The following SLC7A5 variants were observed in gnomAD, a reference collection of about 807,000 sequenced individuals.
The protein encoded by SLC7A5 is large neutral amino acids transporter small subunit 1.
SLC7A5 carries 23 observed loss-of-function variants against 50.2 expected under a neutral mutation model. That is an observed-to-expected ratio of 0.46 (90% CI 0.33 to 0.65). SLC7A5 has a LOEUF of 0.65. Among genes scored for constraint, SLC7A5 ranks in the 30% least tolerant of loss-of-function variants. The probability of loss-of-function intolerance (pLI) is 0.02; values close to 1 mark genes in which losing one functional copy is unlikely to be tolerated. For synonymous variants in SLC7A5, 393 were observed against 330.6 expected, an observed-to-expected ratio of 1.19 and a Z score of -2.05; for missense variants, 578 against 684.4, an observed-to-expected ratio of 0.84 and a Z score of 1.73.
Position 87,839,783 on chromosome 16 carries a change from C to T in SLC7A5, c.858G>A (p.Thr286=), listed in dbSNP as rs375530915. ...LAIIISLPIV[T]LVYVLTNLAY... ...CCAGGTTGGTCAGCACGTACACCAG[C>T]GTCACGATGGGCAGGGAGATGATGA... The change falls in exon 5 of 10, where the codon ACG becomes ACA. Residue 286 remains threonine, a synonymous_variant. Coordinates refer to ENST00000261622, the MANE Select transcript of SLC7A5 (RefSeq NM_003486.7). The T allele has an allele frequency of 2.6e-4, 417 of 1,613,828 alleles. No homozygotes were observed. Among genetic ancestry groups the T allele is most frequent in the Non-Finnish European group, 3.4e-4 (398 of 1,179,994 alleles).
intron 2 of SLC7A5, among the ~76,000 whole-genome samples, chr16:87,846,381 A>G (rs1020755013): frequency 1.3e-5 from 2 of 152,194 alleles, no homozygotes; most frequent in African/African-American, 4.8e-5. Context: ...CCCAGCTGGG[A>G]TTCACTTTGA....
intron 5 of SLC7A5, 107 bp from the exon 6 acceptor site, chr16:87,838,924 CAA>C: frequency 2.5e-6 from 2 of 814,872 alleles, no homozygotes; most frequent in South Asian, 2.8e-5. Context: ...TCTGTGCTCA[CAA>C]GAGCCCTCTG....
intron 1 of SLC7A5, 105 bp from the exon 2 acceptor site, chr16:87,851,954 C>T: frequency 5.0e-6 from 7 of 1,407,932 alleles, no homozygotes; most frequent in Non-Finnish European, 6.9e-6. Context: ...CCAGGTCCAC[C>T]AGAAAAACAA....
intron 2 of SLC7A5, among the ~76,000 whole-genome samples, chr16:87,844,545 C>T (rs1161255616): frequency 1.3e-5 from 2 of 152,236 alleles, no homozygotes; most frequent in Non-Finnish European, 2.9e-5. Flanking sequence ...CGGGATCTTC[C>T]CCCTCCTCTG....
chr16:87,860,081 C>G lies in SLC7A5; in HGVS notation c.539-8232G>C, dbSNP rs2055370871. Among the ~76,000 whole-genome samples, 2 of 152,002 alleles carry G rather than the reference C, an allele frequency of 1.3e-5. No individual in the cohort carries two copies. Among genetic ancestry groups the G allele is most frequent in the South Asian group, 2.1e-4 (1 of 4,826 alleles). The stretch of plus-strand genomic sequence containing the variant: ...GGCACGGTGGCTCACACCTGTAATC[C>G]CAGCACTTTGGGAAGCCAAGGTGGG... On this transcript the variant is annotated intron_variant, in intron 1 of 9. Transcript: ENST00000261622. This position sits in a 1 kb window ranked among gnomAD's most constrained non-coding sequence, Gnocchi z 4.8.
At chr16:87,851,436 C>T (rs1367895280) in intron 2 of SLC7A5, among the ~76,000 whole-genome samples, 2 of 152,166 alleles carry the variant, frequency 1.3e-5, no homozygotes, top group East Asian at 1.9e-4. Flanking sequence ...GAGGTTACAA[C>T]GCATCAGCTG....
chr16:87,855,117 G>A (rs1383207205), intron 1 of SLC7A5, among the ~76,000 whole-genome samples: 2 of 152,360 alleles, frequency 1.3e-5, no homozygotes, highest in Middle Eastern at 3.4e-3. Context: ...TGAGGCTCAC[G>A]CAGGAGGGAT....
chr16:87,838,800 G>A lies in SLC7A5; in HGVS notation c.957C>T (p.His319=), dbSNP rs2055045178. Residue 319 remains histidine, a synonymous_variant, in exon 6 of 10, where the codon CAC becomes CAT. Transcript: ENST00000261622. ...EAVAVDFGNY[H]LGVMSWIIPV... ...GGATGATCCAGGACATGACGCCCAG[G>A]TGATAGTTCCCGAAGTCCTAGGCAG... The A allele has an allele frequency of 1.2e-6, 2 of 1,613,846 alleles. No homozygotes were observed. Among genetic ancestry groups the A allele is most frequent in the African/African-American group, 2.7e-5 (2 of 74,934 alleles).
At position 87,833,117 on chromosome 16, in the gene SLC7A5, T is replaced by C; in HGVS notation, c.1469-92A>G. 9.3e-7 allele frequency: 1 copy of C among 1,075,860 alleles called. No individual in the cohort carries two copies. Among genetic ancestry groups the C allele is most frequent in the South Asian group, 1.2e-5 (1 of 80,154 alleles). 66.6% of individuals were successfully genotyped at this position (1,075,860 alleles called of 1,614,324 possible). Reference sequence around the variant, plus strand: ...TGAGCTGGGGCTCCCCCAGCCCTGCTGTCACCAAACCCAGCGCCGCTGCCC... The same window carrying C: ...TGAGCTGGGGCTCCCCCAGCCCTGCCGTCACCAAACCCAGCGCCGCTGCCC... On this transcript the variant is annotated intron_variant, in intron 9 of 9. Transcript: ENST00000261622. This position sits in a 1 kb window ranked among gnomAD's most constrained non-coding sequence, Gnocchi z 6.0.
At chr16:87,840,058 C>G (rs2055063897) in intron 4 of SLC7A5, among the ~76,000 whole-genome samples, 3 of 152,220 alleles carry the variant, frequency 2.0e-5, no homozygotes. Flanking sequence ...GCTTCCCCAC[C>G]TGAGAAATGG....
chr16:87,852,685 TG>T lies in SLC7A5; in HGVS notation c.539-837del, dbSNP rs2055251249. Among the ~76,000 whole-genome samples, 1 of 134,490 alleles carries T rather than the reference TG, an allele frequency of 7.4e-6. No individual in the cohort carries two copies. Among genetic ancestry groups the T allele is most frequent in the African/African-American group, 3.0e-5 (1 of 33,074 alleles). 88.2% of individuals were successfully genotyped at this position (134,490 alleles called of 152,430 possible). A position where few individuals can be genotyped will look rare whatever the true frequency, so the allele number is the denominator to read the frequency against. Reference sequence around the variant, plus strand: ...GTGTGTGTGTGTGTGTGTGTGTGTGTGTTGGGGGTTCTGTTGCAATATATAG... The same window carrying T: ...GTGTGTGTGTGTGTGTGTGTGTGTGTTTGGGGGTTCTGTTGCAATATATAG... On this transcript the variant is annotated intron_variant, in intron 1 of 9. Transcript: ENST00000261622. The surrounding 1 kb of genome is among the most constrained non-coding windows in gnomAD (Gnocchi z 4.5).
intron 1 of SLC7A5, chr16:87,863,545 C>T (rs2055424047): frequency 6.6e-6 from 1 of 152,300 alleles, no homozygotes; most frequent in East Asian, 1.9e-4. Flanking sequence ...TGCCAAGTTC[C>T]ATATGGCCAT....
Position 87,869,261 on chromosome 16 carries a change from G to C in SLC7A5, c.162C>G (p.Asn54Lys). 1 of 1,612,520 alleles carries C rather than the reference G, an allele frequency of 6.2e-7. No individual in the cohort carries two copies. Among genetic ancestry groups the C allele is most frequent in the Non-Finnish European group, 8.5e-7 (1 of 1,179,838 alleles). ...TGGTCCCCACGATGATGGCCACGCC[G>C]TTGAGCAGCGTGATGTTCCGCTGCA... ...VTLQRNITLL[N>K]GVAIIVGTII... The change falls in exon 1 of 10, where the codon AAC becomes AAG. Residue 54 changes from asparagine (N) to lysine (K), a missense_variant. Transcript: ENST00000261622.
Position 87,860,923 on chromosome 16 carries a change from G to C in SLC7A5, c.538+7962C>G, listed in dbSNP as rs1438535163. On this transcript the variant is annotated intron_variant, in intron 1 of 9. Coordinates refer to ENST00000261622, the MANE Select transcript of SLC7A5 (RefSeq NM_003486.7). This position sits in a 1 kb window ranked among gnomAD's most constrained non-coding sequence, Gnocchi z 4.8. ...AGGGAGAGACGCCTCCCACACTCCC[G>C]GAGGCACGCACGTGCTGTGGCCACC... is the stretch of plus-strand genomic sequence containing the variant. Among the ~76,000 whole-genome samples, 1 of 152,310 alleles carries C rather than the reference G, an allele frequency of 6.6e-6. No homozygotes were observed. Among genetic ancestry groups the C allele is most frequent in the African/African-American group, 2.4e-5 (1 of 41,582 alleles).
rs1174549209 is a variant in SLC7A5 at position 87,862,272 on chromosome 16, T to C, written c.538+6613A>G. 1.3e-5 allele frequency among the ~76,000 whole-genome samples: 2 copies of C among 152,126 alleles called. No homozygotes were observed. Among genetic ancestry groups the C allele is most frequent in the Non-Finnish European group, 2.9e-5 (2 of 68,004 alleles). On this transcript the variant is annotated intron_variant, in intron 1 of 9. Coordinates refer to ENST00000261622, the MANE Select transcript of SLC7A5 (RefSeq NM_003486.7). This position sits in a 1 kb window ranked among gnomAD's most constrained non-coding sequence, Gnocchi z 5.3. ...GGCAGATAGAGGCAGCCAGGCAGCCTGAAGACCCTGGGGCAAAACACACAC... is the reference window on the plus strand; with the variant it reads ...GGCAGATAGAGGCAGCCAGGCAGCCCGAAGACCCTGGGGCAAAACACACAC...
intron 7 of SLC7A5, chr16:87,837,609 C>G: frequency 1.9e-6 from 1 of 526,430 alleles, no homozygotes; most frequent in Non-Finnish European, 3.4e-6. Context: ...CAGCTTCTGC[C>G]TCCCGCATTT....
rs2055495107 is a variant in SLC7A5, at chr16:87,868,792, G to A, written c.538+93C>T. 2.3e-6 allele frequency: 3 copies of A among 1,285,528 alleles called. No homozygotes were observed. The Admixed American group carries it at 5.9e-5, about 25-fold the overall frequency. 79.6% of individuals were successfully genotyped at this position (1,285,528 alleles called of 1,614,324 possible). On this transcript the variant is annotated intron_variant, in intron 1 of 9. Coordinates refer to ENST00000261622, the MANE Select transcript of SLC7A5 (RefSeq NM_003486.7). ...CGGGATGGTCCAGGAACGTAAAGATGTAGAGATGTGGGAGCCAGGGGCGTA... is the reference window on the plus strand; with the variant it reads ...CGGGATGGTCCAGGAACGTAAAGATATAGAGATGTGGGAGCCAGGGGCGTA...
chr16:87,841,056 C>G lies in SLC7A5; in HGVS notation c.764G>C (p.Gly255Ala). 1 of 1,611,276 alleles carries G rather than the reference C, an allele frequency of 6.2e-7. No homozygotes were observed. The highest frequency in any genetic ancestry group is 8.5e-7 in the Non-Finnish European group (1 of 1,177,620). Residue 255 changes from glycine (G) to alanine (A), a missense_variant, in exon 3 of 10, where the codon GGA becomes GCA. This residue lies in a region of SLC7A5 where 465 missense variants were observed against 594.6 expected (regional missense o/e 0.78). Coordinates refer to ENST00000261622, the MANE Select transcript of SLC7A5 (RefSeq NM_003486.7). The surrounding 1 kb of genome is among the most constrained non-coding windows in gnomAD (Gnocchi z 4.8). ...CAGACATTCCAGAACCTACCATCCTCCATAGGCAAAGAGGCCGCTGTATAA... is the reference window on the plus strand; with the variant it reads ...CAGACATTCCAGAACCTACCATCCTGCATAGGCAAAGAGGCCGCTGTATAA... ...LALYSGLFAY[G>A]GWNYLNFVTE...
At chr16:87,836,758 G>T (rs2055009635) in intron 7 of SLC7A5, 111 bp from the exon 8 acceptor site, 2 of 1,170,596 alleles carry the variant, frequency 1.7e-6, no homozygotes, top group Admixed American at 3.6e-5. Flanking sequence ...TGAGCACCAG[G>T]GAATTTTGTT....
Sources: gnomAD v4.1 joint callset for allele counts (sites outside exome capture counted in the v4.1 genomes callset) on GRCh38, gnomAD v4.1.1 for gene constraint, gnomAD v4.1.1 regional missense constraint, Gnocchi (gnomAD v3.1) non-coding constraint, MANE v1.5 for transcripts, NCBI Gene and HGNC (gene_info 2026-07-23, HGNC 2026-07-21) for gene names.